The following LRIG2 variants were observed in gnomAD, a reference collection of about 807,000 sequenced individuals.
LRIG2 encodes the protein leucine rich repeats and immunoglobulin like domains 2.
Under a neutral mutation model 107.8 loss-of-function variants are expected in LRIG2, and 93 were observed. That is an observed-to-expected ratio of 0.86 (90% CI 0.73 to 1.03). LRIG2 has a LOEUF of 1.03. Ranked by LOEUF, LRIG2 falls within the 50% of genes least tolerant of loss-of-function variation. The probability of loss-of-function intolerance (pLI) is 0.00; values close to 1 mark genes in which losing one functional copy is unlikely to be tolerated. For synonymous variants in LRIG2, 471 were observed against 470.6 expected (o/e 1.00, Z -0.01); for missense variants, 1,226 against 1,296.0 (o/e 0.95, Z 0.83).
intron 1 of LRIG2, among the ~76,000 whole-genome samples, chr1:113,090,855 A>AAATT (rs397981299): frequency 7.1e-6 from 1 of 141,030 alleles, no homozygotes. Flanking sequence ...AAACAAAAAA[A>AAATT]TTTTTTTTTT....
Position 113,098,781 on chromosome 1 carries a change from A to G in LRIG2, c.1168A>G (p.Lys390Glu). 6.3e-7 allele frequency: 1 copy of G among 1,586,346 alleles called. No homozygotes were observed. Among genetic ancestry groups the G allele is most frequent in the Non-Finnish European group, 8.7e-7 (1 of 1,154,884 alleles). The change falls in exon 9 of 18, where the codon AAA becomes GAA. Residue 390 changes from lysine to glutamate, a missense_variant. By Grantham distance (56) the Lys-to-Glu change is moderately conservative. This residue lies in a region of LRIG2 where 570 missense variants were observed against 550.2 expected (regional missense o/e 1.04). Transcript: ENST00000361127. ...EAFAGLTSLTKLILQGNQIKS... is the reference protein window; with the variant it reads ...EAFAGLTSLTELILQGNQIKS... ...CTTTGCTGGACTCACAAGTCTCACT[A>G]AACTGTATGTATTATAATATTTATG...
At chr1:113,094,568 T>C (rs1199642336) in intron 5 of LRIG2, 44 bp from the exon 6 acceptor site, 2 of 1,593,222 alleles carry the variant, frequency 1.3e-6, no homozygotes, top group Non-Finnish European at 1.7e-6. Flanking sequence ...GTTAGAACAT[T>C]TTAGCAAACC....
intron 1 of LRIG2, among the ~76,000 whole-genome samples, chr1:113,084,755 G>T (rs760856105): frequency 1.3e-5 from 2 of 152,110 alleles, no homozygotes; most frequent in Non-Finnish European, 2.9e-5. Context: ...ATTCTTTAAA[G>T]GTCTTTCAAT....
At chr1:113,116,938 G>A (rs1424245607) in intron 16 of LRIG2, among the ~76,000 whole-genome samples, 1 of 152,124 alleles carries the variant, frequency 6.6e-6, no homozygotes, top group Non-Finnish European at 1.5e-5. Context: ...GTGCACCTAT[G>A]AATAGCCACT....
At chr1:113,122,701 C>G (rs1370961888) in intron 17 of LRIG2, among the ~76,000 whole-genome samples, 2 of 152,180 alleles carry the variant, frequency 1.3e-5, no homozygotes, top group Non-Finnish European at 2.9e-5. Context: ...CTAGCTTCTT[C>G]TTACTCGAAG....
chr1:113,089,675 G>GTT (rs1653706248), intron 1 of LRIG2, among the ~76,000 whole-genome samples: 1 of 27,948 alleles, frequency 3.6e-5, no homozygotes, highest in African/African-American at 6.2e-5. Flanking sequence ...AAGGTGGATT[G>GTT]CTTTTTTTTT....
At chr1:113,078,857 C>T (rs1013478362) in intron 1 of LRIG2, among the ~76,000 whole-genome samples, 3 of 152,004 alleles carry the variant, frequency 2.0e-5, no homozygotes, top group Non-Finnish European at 2.9e-5. Flanking sequence ...TCAGGCTGGT[C>T]TCAAACTCCC....
chr1:113,081,780 C>T (rs974616116), intron 1 of LRIG2, among the ~76,000 whole-genome samples: 1 of 152,176 alleles, frequency 6.6e-6, no homozygotes, highest in East Asian at 1.9e-4. Flanking sequence ...CTCAGCCTCC[C>T]TAAGTGCTGG....
chr1:113,089,481 A>T (rs1653695758), intron 1 of LRIG2, among the ~76,000 whole-genome samples: 1 of 152,098 alleles, frequency 6.6e-6, no homozygotes, highest in Non-Finnish European at 1.5e-5. Flanking sequence ...TGATCTTTCT[A>T]TGCCTGTTTC....
At chr1:113,109,946 C>A (rs1654700025) in intron 12 of LRIG2, among the ~76,000 whole-genome samples, 1 of 152,148 alleles carries the variant, frequency 6.6e-6, no homozygotes, top group African/African-American at 2.4e-5. Flanking sequence ...ATATTCTGAG[C>A]ACACAGGTGA....
At chr1:113,094,292 T>C in intron 4 of LRIG2, 47 bp from the exon 5 acceptor site, 1 of 1,488,614 alleles carries the variant, frequency 6.7e-7, no homozygotes, top group Non-Finnish European at 9.1e-7. Context: ...TGGTAGAATT[T>C]TTATTTTACT....
chr1:113,079,490 C>CTG (rs1187770449), intron 1 of LRIG2, among the ~76,000 whole-genome samples: 2 of 151,264 alleles, frequency 1.3e-5, no homozygotes, highest in African/African-American at 4.8e-5. Context: ...TGAGATCAGC[C>CTG]TGGCTAAGAT....
intron 11 of LRIG2, among the ~76,000 whole-genome samples, chr1:113,100,891 A>G (rs1411241433): frequency 6.6e-6 from 1 of 152,228 alleles, no homozygotes; most frequent in Non-Finnish European, 1.5e-5. Context: ...AACAGTTAGT[A>G]TAATTGTCAG....
intron 11 of LRIG2, 53 bp from the exon 12 acceptor site, chr1:113,107,541 G>A (rs1291231071): frequency 2.6e-6 from 4 of 1,550,256 alleles, no homozygotes; most frequent in South Asian, 1.2e-5. Context: ...TACTGAAGAC[G>A]TTTAGAATGA....
rs745957182 is a variant in LRIG2, at chr1:113,095,981, C to T, written c.911C>T (p.Pro304Leu). The change falls in exon 7 of 18, where the codon CCT (proline) becomes CTT (leucine). Residue 304 changes from proline to leucine, a missense_variant. This residue lies in a region of LRIG2 where 570 missense variants were observed against 550.2 expected (regional missense o/e 1.04). Coordinates refer to ENST00000361127, the MANE Select transcript of LRIG2 (RefSeq NM_014813.3). ...CAGAATGCTATTGAAAGAATCAGCC[C>T]TGATGCATGGGAGTTCTGCCAAAGA... ...VSQNAIERIS[P>L]DAWEFCQRLS... 3 of 1,614,060 alleles carry T rather than the reference C, an allele frequency of 1.9e-6. No individual in the cohort carries two copies. The highest frequency in any genetic ancestry group is 1.3e-5 in the African/African-American group (1 of 74,924).
chr1:113,073,909 A>G (rs1304984789), intron 1 of LRIG2, among the ~76,000 whole-genome samples: 1 of 146,310 alleles, frequency 6.8e-6, no homozygotes, highest in Non-Finnish European at 1.5e-5. Flanking sequence ...CTGGGGAGGA[A>G]ATGGGGCGGG....
Position 113,073,559 on chromosome 1 carries a change from T to G in LRIG2, c.153T>G (p.Ile51Met). The part of the protein sequence containing the change: ...GLCPAPCSCR[I>M]PLLDCSRRKL... ...GCCCCGCGCCCTGCTCCTGCCGCAT[T>G]CCTCTCCTGGACTGCAGTCGCAGGA... is the stretch of plus-strand genomic sequence containing the variant. Residue 51 changes from isoleucine to methionine, a missense_variant, in exon 1 of 18, where the codon ATT becomes ATG. By Grantham distance (10) the Ile-to-Met change is conservative. Coordinates refer to ENST00000361127, the MANE Select transcript of LRIG2 (RefSeq NM_014813.3). 2 of 1,614,036 alleles carry G rather than the reference T, an allele frequency of 1.2e-6. No individual in the cohort carries two copies. The highest frequency in any genetic ancestry group is 8.5e-7 in the Non-Finnish European group (1 of 1,179,990).
intron 9 of LRIG2, among the ~76,000 whole-genome samples, chr1:113,099,059 C>T (rs1334530338): frequency 1.3e-5 from 2 of 151,910 alleles, no homozygotes; most frequent in Non-Finnish European, 2.9e-5. Flanking sequence ...GCCTCAGCCT[C>T]CTGAGTAGCT....
At chr1:113,099,538 C>A (rs1161593002) in intron 9 of LRIG2, among the ~76,000 whole-genome samples, 1 of 152,024 alleles carries the variant, frequency 6.6e-6, no homozygotes, top group African/African-American at 2.4e-5. Context: ...CCATGCCCAG[C>A]TAGTTTTTTT....
Sources: gnomAD v4.1 joint callset for allele counts (sites outside exome capture counted in the v4.1 genomes callset) on GRCh38, gnomAD v4.1.1 for gene constraint, gnomAD v4.1.1 regional missense constraint, MANE v1.5 for transcripts, NCBI Gene and HGNC (gene_info 2026-07-23, HGNC 2026-07-21) for gene names.